PPM1E: variants seen among roughly 807,000 people sequenced by gnomAD.
PPM1E encodes protein phosphatase 1E.
Under a neutral mutation model 65.9 loss-of-function variants are expected in PPM1E, and 20 were observed. The observed-to-expected ratio is 0.30, with a 90% CI of 0.21 to 0.44. The LOEUF is 0.44. Ranked by LOEUF, PPM1E falls within the 20% of genes least tolerant of loss-of-function variation. The probability of loss-of-function intolerance (pLI) is 1.00; values close to 1 mark genes in which losing one functional copy is unlikely to be tolerated. For synonymous variants in PPM1E, 352 were observed against 374.9 expected (o/e 0.94, Z 0.70); for missense variants, 713 against 953.1 (o/e 0.75, Z 3.32).
intron 1 of PPM1E, among the ~76,000 whole-genome samples, chr17:58,821,089 A>G (rs1247189147): frequency 2.0e-5 from 3 of 151,712 alleles, no homozygotes; most frequent in African/African-American, 7.3e-5. Flanking sequence ...TTAGCTTTGT[A>G]TTTTTGTTTG....
chr17:58,898,319 TCAAA>T (rs1342736986), intron 1 of PPM1E, among the ~76,000 whole-genome samples: 2 of 144,272 alleles, frequency 1.4e-5, no homozygotes, highest in African/African-American at 5.1e-5. Context: ...CAAGAAAAAA[TCAAA>T]CAACCCCGTC....
intron 1 of PPM1E, among the ~76,000 whole-genome samples, chr17:58,847,575 G>C (rs1031157742): frequency 6.6e-6 from 1 of 152,116 alleles, no homozygotes; most frequent in African/African-American, 2.4e-5. Flanking sequence ...GTGATCAGAT[G>C]GTTATAGATG....
At chr17:58,839,888 A>G (rs938581202) in intron 1 of PPM1E, among the ~76,000 whole-genome samples, 1 of 152,212 alleles carries the variant, frequency 6.6e-6, no homozygotes, top group Non-Finnish European at 1.5e-5. Context: ...ACAAGTTAGT[A>G]TACATACTAT....
intron 1 of PPM1E, among the ~76,000 whole-genome samples, chr17:58,768,105 C>A (rs1242000459): frequency 6.6e-6 from 1 of 151,974 alleles, no homozygotes; most frequent in Non-Finnish European, 1.5e-5. Flanking sequence ...TGCCTGCCAC[C>A]TTGCCCAGCT....
In PPM1E at chr17:58,886,224, A is replaced by G. The variant is rs550577243; in HGVS notation, c.465-69425A>G. On this transcript the variant is annotated intron_variant, in intron 1 of 6. Transcript: ENST00000308249. ...CATTTTATTAGGGGAGCAGAGAAAT[A>G]CATATGCTTGATCTTCCTTTTCTTT... is the stretch of plus-strand genomic sequence containing the variant. Among the ~76,000 whole-genome samples the G allele has an allele frequency of 5.3e-5, 8 of 152,348 alleles. No individual in the cohort carries two copies. The South Asian group carries it at 1.7e-3, about 32-fold the overall frequency.
rs529054137 is a variant in PPM1E, at chr17:58,794,118, A to G, written c.464+37657A>G. 6.6e-5 allele frequency among the ~76,000 whole-genome samples: 10 copies of G among 152,084 alleles called. 1 individual carries two copies. The South Asian group carries it at 2.1e-3, about 32-fold the overall frequency. On this transcript the variant is annotated intron_variant, in intron 1 of 6. Coordinates refer to ENST00000308249, the MANE Select transcript of PPM1E (RefSeq NM_014906.5). The stretch of plus-strand genomic sequence containing the variant: ...GCCACCACACCTGGCTAATTTTTGT[A>G]TTTTTTAGTAGAGACAGGGTTTTGC...
chr17:58,785,789 A>G (rs2050095147), intron 1 of PPM1E, among the ~76,000 whole-genome samples: 1 of 151,956 alleles, frequency 6.6e-6, no homozygotes, highest in Non-Finnish European at 1.5e-5. Flanking sequence ...GTTTCAGTTC[A>G]TGTTTTCCAC....
intron 1 of PPM1E, among the ~76,000 whole-genome samples, chr17:58,800,369 C>G (rs1429881299): frequency 6.6e-6 from 1 of 151,926 alleles, no homozygotes; most frequent in Non-Finnish European, 1.5e-5. Flanking sequence ...GGATATTAGC[C>G]TATAATATTT....
intron 1 of PPM1E, among the ~76,000 whole-genome samples, chr17:58,892,175 A>G (rs2051355992): frequency 6.6e-6 from 1 of 152,224 alleles, no homozygotes; most frequent in African/African-American, 2.4e-5. Context: ...CTTAGCACAG[A>G]AATGCACTAG....
rs748557536 is a variant in PPM1E at position 58,980,882 on chromosome 17, C to T, written c.2119C>T (p.Leu707Phe). The part of the protein sequence containing the change: ...SHKIGTSLSS[L>F]TGSGKRNRIR... ...CAAAATAGGCACTAGCCTGTCCTCA[C>T]TTACTGGAAGTGGGAAGAGAAATAG... is the stretch of plus-strand genomic sequence containing the variant. Residue 707 changes from leucine (L) to phenylalanine (F), a missense_variant, in exon 7 of 7, where the codon CTT (leucine) becomes TTT (phenylalanine). By Grantham distance (22) the Leu-to-Phe change is conservative. Coordinates refer to ENST00000308249, the MANE Select transcript of PPM1E (RefSeq NM_014906.5). This position sits in a 1 kb window ranked among gnomAD's most constrained non-coding sequence, Gnocchi z 4.7. 1 of 1,614,196 alleles carries T rather than the reference C, an allele frequency of 6.2e-7. No homozygotes were observed. Among genetic ancestry groups the T allele is most frequent in the Non-Finnish European group, 8.5e-7 (1 of 1,180,020 alleles).
At chr17:58,789,081 G>C (rs193246004) in intron 1 of PPM1E, among the ~76,000 whole-genome samples, 1 of 152,256 alleles carries the variant, frequency 6.6e-6, no homozygotes, top group African/African-American at 2.4e-5. Context: ...TACATAAAAT[G>C]TACATCTGTT....
intron 1 of PPM1E, among the ~76,000 whole-genome samples, chr17:58,942,494 T>C (rs1274717525): frequency 6.6e-6 from 1 of 152,228 alleles, no homozygotes; most frequent in Non-Finnish European, 1.5e-5. Flanking sequence ...AACCACTCAC[T>C]TATTTGGACT....
intron 1 of PPM1E, among the ~76,000 whole-genome samples, chr17:58,825,026 G>A (rs1023666625): frequency 3.9e-5 from 6 of 152,000 alleles, no homozygotes; most frequent in Admixed American, 3.3e-4. Context: ...TTGGGGGGAA[G>A]AGTGGGAGTG....
At chr17:58,880,083 T>C (rs2051177591) in intron 1 of PPM1E, among the ~76,000 whole-genome samples, 1 of 152,196 alleles carries the variant, frequency 6.6e-6, no homozygotes, top group African/African-American at 2.4e-5. Context: ...AAAAAGTAGC[T>C]GTGAAAAAGC....
chr17:58,836,553 C>T (rs62083375), intron 1 of PPM1E, among the ~76,000 whole-genome samples: 44,912 of 150,596 alleles, frequency 0.3, 7,169 homozygotes, highest in Middle Eastern at 0.48. Context: ...CAACCTCTGC[C>T]GCCCAGGTTC....
chr17:58,766,606 TAC>T (rs36067765), intron 1 of PPM1E, among the ~76,000 whole-genome samples: 36,191 of 123,136 alleles, frequency 0.29, 4,417 homozygotes, highest in African/African-American at 0.38. Context: ...TGTGTGTGTA[TAC>T]ACACACACAC....
intron 1 of PPM1E, among the ~76,000 whole-genome samples, chr17:58,782,524 C>T (rs1400994120): frequency 1.3e-5 from 2 of 151,186 alleles, no homozygotes; most frequent in East Asian, 3.9e-4. Context: ...GCCTCAGCCT[C>T]CCAAGTAGCT....
At chr17:58,843,468 G>A (rs1306948023) in intron 1 of PPM1E, among the ~76,000 whole-genome samples, 6 of 151,902 alleles carry the variant, frequency 3.9e-5, no homozygotes, top group Non-Finnish European at 7.4e-5. Context: ...TGCAGTGAGC[G>A]GAGATCGCGC....
chr17:58,977,510 T>C lies in PPM1E; in HGVS notation c.1211-2464T>C, dbSNP rs189846328. 1.3e-3 allele frequency among the ~76,000 whole-genome samples: 201 copies of C among 150,666 alleles called. 1 individual carries two copies. The highest frequency in any genetic ancestry group is 9.3e-3 in the Admixed American group (141 of 15,126). ...GCCTAGATATGAGTAAGATGAGAGGTTGTGTTTGTGAATGGAAGGAGTGAA... is the reference window on the plus strand; with the variant it reads ...GCCTAGATATGAGTAAGATGAGAGGCTGTGTTTGTGAATGGAAGGAGTGAA... On this transcript the variant is annotated intron_variant, in intron 6 of 6. Transcript: ENST00000308249.
Sources: gnomAD v4.1 joint callset for allele counts (sites outside exome capture counted in the v4.1 genomes callset) on GRCh38, gnomAD v4.1.1 for gene constraint, Gnocchi (gnomAD v3.1) non-coding constraint, MANE v1.5 for transcripts, NCBI Gene and HGNC (gene_info 2026-07-23, HGNC 2026-07-21) for gene names.